CTNNA2: variants seen among roughly 807,000 people sequenced by gnomAD.
The protein encoded by CTNNA2 is catenin alpha-2.
CTNNA2 carries 42 observed loss-of-function variants against 101.0 expected under a neutral mutation model. The observed-to-expected ratio is 0.42, with a 90% CI of 0.32 to 0.54. The LOEUF is 0.54. Among genes scored for constraint, CTNNA2 ranks in the 20% least tolerant of loss-of-function variants. The pLI, the probability that CTNNA2 is intolerant of heterozygous loss-of-function variation, is 0.14. For synonymous variants in CTNNA2, 450 were observed against 456.4 expected (o/e 0.99, Z 0.18); for missense variants, 871 against 1,223.1 (o/e 0.71, Z 4.29).
chr2:80,361,995 C>A (rs1674456146), intron 7 of CTNNA2, among the ~76,000 whole-genome samples: 1 of 152,114 alleles, frequency 6.6e-6, no homozygotes, highest in African/African-American at 2.4e-5. Context: ...TTGACAGCAC[C>A]ATTTGTCACA....
intron 6 of CTNNA2, among the ~76,000 whole-genome samples, chr2:79,882,208 A>G (rs948282633): frequency 7.2e-5 from 11 of 152,174 alleles, no homozygotes; most frequent in Non-Finnish European, 1.3e-4. Context: ...TTTGTAGGTG[A>G]CCTGGCCTTT....
At chr2:79,345,178 G>C (rs919974139) in intron 3 of CTNNA2, among the ~76,000 whole-genome samples, 2 of 151,152 alleles carry the variant, frequency 1.3e-5, no homozygotes, top group African/African-American at 4.9e-5. Flanking sequence ...TTCCAGAAGA[G>C]AAATAAAATC....
intron 7 of CTNNA2, among the ~76,000 whole-genome samples, chr2:80,271,929 T>C (rs888203622): frequency 1.3e-5 from 2 of 152,188 alleles, no homozygotes; most frequent in African/African-American, 4.8e-5. Flanking sequence ...GACTGATCCA[T>C]AAGAGAGTCT....
intron 6 of CTNNA2, among the ~76,000 whole-genome samples, chr2:79,907,991 A>G (rs1054501915): frequency 1.3e-5 from 2 of 152,168 alleles, no homozygotes; most frequent in Admixed American, 1.3e-4. Flanking sequence ...GGAATCAGAG[A>G]ATTGGAGCCC....
At chr2:79,188,469 C>T (rs984861313) in intron 1 of CTNNA2, among the ~76,000 whole-genome samples, 1 of 152,174 alleles carries the variant, frequency 6.6e-6, no homozygotes, top group Non-Finnish European at 1.5e-5. Context: ...GCACAGTTAG[C>T]ACAGTGACCC....
intron 7 of CTNNA2, among the ~76,000 whole-genome samples, chr2:80,342,926 G>A (rs1672371492): frequency 6.6e-6 from 1 of 152,152 alleles, no homozygotes; most frequent in Non-Finnish European, 1.5e-5. Flanking sequence ...GGGATGGTCT[G>A]TACCATTCTT....
intron 9 of CTNNA2, among the ~76,000 whole-genome samples, chr2:80,513,254 A>G (rs768616360): frequency 9.9e-5 from 15 of 152,230 alleles, no homozygotes; most frequent in South Asian, 4.1e-4. Flanking sequence ...ACAGAGAAAA[A>G]ACAATACCAC....
intron 7 of CTNNA2, among the ~76,000 whole-genome samples, chr2:80,174,855 T>G (rs990408415): frequency 9.9e-5 from 15 of 152,174 alleles, no homozygotes; most frequent in African/African-American, 3.6e-4. Context: ...CCCACATGTG[T>G]ACTACATCAC....
intron 7 of CTNNA2, among the ~76,000 whole-genome samples, chr2:80,090,119 A>G (rs1346193413): frequency 3.3e-5 from 5 of 151,618 alleles, no homozygotes; most frequent in Admixed American, 2.0e-4. Flanking sequence ...TAGTAGAGAA[A>G]GAAAGGAAGT....
intron 1 of CTNNA2, among the ~76,000 whole-genome samples, chr2:79,606,641 G>A (rs1021098451): frequency 5.3e-5 from 8 of 152,120 alleles, no homozygotes; most frequent in African/African-American, 1.9e-4. Context: ...TAAAATGTAT[G>A]CCAGTTGAAT....
At chr2:80,504,825 G>GCACA (rs1688144103) in intron 9 of CTNNA2, among the ~76,000 whole-genome samples, 1 of 152,152 alleles carries the variant, frequency 6.6e-6, no homozygotes, top group Non-Finnish European at 1.5e-5. Flanking sequence ...CGTGGCCTGT[G>GCACA]GCTCACCTTT....
At chr2:80,038,600 A>G (rs565378536) in intron 7 of CTNNA2, among the ~76,000 whole-genome samples, 35 of 152,216 alleles carry the variant, frequency 2.3e-4, no homozygotes, top group African/African-American at 8.4e-4. Context: ...GGGCACCTGT[A>G]ATCCCAGCAC....
chr2:79,345,204 T>C (rs1677235413), intron 3 of CTNNA2, among the ~76,000 whole-genome samples: 1 of 152,094 alleles, frequency 6.6e-6, no homozygotes, highest in East Asian at 1.9e-4. Context: ...ACATTTTTCT[T>C]CTGTTTCTCC....
At chr2:80,105,771 A>G (rs960097922) in intron 7 of CTNNA2, among the ~76,000 whole-genome samples, 8 of 152,028 alleles carry the variant, frequency 5.3e-5, no homozygotes, top group Non-Finnish European at 1.2e-4. Context: ...GCATCTAGAA[A>G]CCAGAATTAT....
chr2:79,786,188 A>C (rs2105226330), intron 3 of CTNNA2, among the ~76,000 whole-genome samples: 1 of 152,288 alleles, frequency 6.6e-6, no homozygotes, highest in South Asian at 2.1e-4. Context: ...GTTAACATGA[A>C]ATGATATTTA....
At chr2:79,979,445 T>A (rs564197613) in intron 7 of CTNNA2, among the ~76,000 whole-genome samples, 4 of 152,192 alleles carry the variant, frequency 2.6e-5, no homozygotes, top group African/African-American at 9.6e-5. Flanking sequence ...TAGAACATCA[T>A]TTCGGTGTCC....
At chr2:80,333,869 T>C (rs1573750692) in intron 7 of CTNNA2, among the ~76,000 whole-genome samples, 2 of 152,186 alleles carry the variant, frequency 1.3e-5, no homozygotes, top group African/African-American at 4.8e-5. Flanking sequence ...GTGATCCGCC[T>C]GTCTCAGCCT....
chr2:79,693,410 T>C (rs1422617217), intron 2 of CTNNA2, among the ~76,000 whole-genome samples: 2 of 152,024 alleles, frequency 1.3e-5, no homozygotes, highest in African/African-American at 4.8e-5. Context: ...CACATTTTGC[T>C]GCATTTGCTT....
At chr2:80,121,243 T>C (rs1701815786) in intron 7 of CTNNA2, among the ~76,000 whole-genome samples, 1 of 152,200 alleles carries the variant, frequency 6.6e-6, no homozygotes, top group Non-Finnish European at 1.5e-5. Flanking sequence ...ACAACGTAGA[T>C]ATAGATTAGA....
Sources: gnomAD v4.1 joint callset for allele counts (sites outside exome capture counted in the v4.1 genomes callset) on GRCh38, gnomAD v4.1.1 for gene constraint, MANE v1.5 for transcripts, NCBI Gene and HGNC (gene_info 2026-07-23, HGNC 2026-07-21) for gene names.